PGRMC2: variants seen among roughly 807,000 people sequenced by gnomAD.
PGRMC2 encodes membrane-associated progesterone receptor component 2.
Under a neutral mutation model 19.3 loss-of-function variants are expected in PGRMC2, and 9 were observed. That is an observed-to-expected ratio of 0.47 (90% CI 0.28 to 0.81). The LOEUF (loss-of-function observed/expected upper bound fraction) is 0.81. Among genes scored for constraint, PGRMC2 ranks in the 40% least tolerant of loss-of-function variants. The probability of loss-of-function intolerance (pLI) is 0.11; values close to 1 mark genes in which losing one functional copy is unlikely to be tolerated. For missense variants in PGRMC2, 289 were observed against 297.3 expected (o/e 0.97, Z 0.21); for synonymous variants, 157 against 124.6 (o/e 1.26, Z -1.73).
chr4:128,283,386 T>G (rs1459166328), intron 1 of PGRMC2, among the ~76,000 whole-genome samples: 1 of 152,130 alleles, frequency 6.6e-6, no homozygotes, highest in Non-Finnish European at 1.5e-5. Context: ...CCTCTGACCT[T>G]TAGAATCAGT....
intron 1 of PGRMC2, chr4:128,286,596 GA>G (rs1561619059): frequency 2.5e-6 from 1 of 398,154 alleles, no homozygotes. Flanking sequence ...GAAAAAAAAA[GA>G]AAAAAGAAAC....
intron 1 of PGRMC2, among the ~76,000 whole-genome samples, chr4:128,280,779 G>C (rs2096162312): frequency 6.6e-6 from 1 of 151,960 alleles, no homozygotes; most frequent in African/African-American, 2.4e-5. Context: ...TTATATTTTT[G>C]TAAGAGACAG....
chr4:128,283,122 G>C (rs543999779), intron 1 of PGRMC2, among the ~76,000 whole-genome samples: 2 of 152,324 alleles, frequency 1.3e-5, no homozygotes, highest in East Asian at 3.9e-4. Flanking sequence ...TTTTGGTAAA[G>C]TTCCATTGCA....
intron 1 of PGRMC2, among the ~76,000 whole-genome samples, chr4:128,278,174 T>G (rs981518515): frequency 3.3e-5 from 5 of 152,026 alleles, no homozygotes; most frequent in African/African-American, 1.2e-4. Context: ...AGAATGAAAA[T>G]TCCAAGGTGA....
intron 1 of PGRMC2, among the ~76,000 whole-genome samples, chr4:128,281,329 T>A (rs1446129998): frequency 6.6e-6 from 1 of 152,198 alleles, no homozygotes; most frequent in East Asian, 1.9e-4. Flanking sequence ...CAGTAAAGTA[T>A]CTTAAAGAGG....
intron 1 of PGRMC2, among the ~76,000 whole-genome samples, chr4:128,274,087 A>G (rs1467450603): frequency 1.3e-5 from 2 of 152,194 alleles, no homozygotes; most frequent in Non-Finnish European, 2.9e-5. Context: ...TGTACCTGTA[A>G]TTTATTTAAT....
chr4:128,286,153 C>T (rs929012561), intron 1 of PGRMC2, among the ~76,000 whole-genome samples: 3 of 148,858 alleles, frequency 2.0e-5, no homozygotes, highest in African/African-American at 7.4e-5. Context: ...AACCAGCTTA[C>T]TTCCAGACTG....
rs538091048 is a variant in PGRMC2 at position 128,269,372 on chromosome 4, C to G, written c.*1944G>C. On this transcript the variant is annotated 3_prime_UTR_variant, in exon 3 of 3. Coordinates refer to ENST00000296425, the MANE Select transcript of PGRMC2 (RefSeq NM_006320.6). Reference sequence around the variant, plus strand: ...CTCTATTCACAAGTACAGTTTATTACTAGACTTTAGGCTTGAATGATTCAT... The same window carrying G: ...CTCTATTCACAAGTACAGTTTATTAGTAGACTTTAGGCTTGAATGATTCAT... The G allele has an allele frequency of 1.3e-5, 2 of 152,138 alleles. No homozygotes were observed. Among genetic ancestry groups the G allele is most frequent in the Non-Finnish European group, 2.9e-5 (2 of 68,020 alleles). The allele number at this position is 152,138 out of a possible 1,614,324, so 9.4% of individuals were successfully genotyped here.
chr4:128,281,580 A>G (rs1334330511), intron 1 of PGRMC2, among the ~76,000 whole-genome samples: 1 of 152,226 alleles, frequency 6.6e-6, no homozygotes, highest in Non-Finnish European at 1.5e-5. Context: ...ATAAGATGAT[A>G]GAAATAAACC....
chr4:128,286,928 C>T, intron 1 of PGRMC2: 1 of 390,258 alleles, frequency 2.6e-6, no homozygotes. Flanking sequence ...AATTACAGAG[C>T]CCAAAACTTT....
chr4:128,271,650 C>G (rs1046122726), intron 2 of PGRMC2, among the ~76,000 whole-genome samples: 1 of 152,170 alleles, frequency 6.6e-6, no homozygotes, highest in Non-Finnish European at 1.5e-5. Context: ...AGAGGGTGTT[C>G]TGTACCAGTG....
intron 1 of PGRMC2, among the ~76,000 whole-genome samples, chr4:128,277,962 A>G (rs1760837352): frequency 6.6e-6 from 1 of 152,194 alleles, no homozygotes; most frequent in Non-Finnish European, 1.5e-5. Flanking sequence ...CTTGAATAGT[A>G]TGATTCTATA....
rs781046635 is a variant in PGRMC2, at chr4:128,287,303, G to A, written c.418+70C>T. 4.0e-6 allele frequency: 6 copies of A among 1,512,982 alleles called. No individual in the cohort carries two copies. The East Asian group carries it at 7.1e-5, about 18-fold the overall frequency. The allele number at this position is 1,512,982 out of a possible 1,614,324, so 93.7% of individuals were successfully genotyped here. Reference sequence around the variant, plus strand: ...TGGGCAAACTAACCCGGTGCCCAGAGGCCTCCCTGTCCGAAGGGGGTTGTG... The same window carrying A: ...TGGGCAAACTAACCCGGTGCCCAGAAGCCTCCCTGTCCGAAGGGGGTTGTG... On this transcript the variant is annotated intron_variant, in intron 1 of 2. Transcript: ENST00000296425.
intron 1 of PGRMC2, among the ~76,000 whole-genome samples, chr4:128,281,448 T>C (rs1302846377): frequency 6.6e-6 from 1 of 151,366 alleles, no homozygotes; most frequent in African/African-American, 2.4e-5. Context: ...ACTAAAAGGA[T>C]AGAAATAGAA....
chr4:128,272,763 A>G (rs1760752909), intron 1 of PGRMC2: 3 of 316,234 alleles, frequency 9.5e-6, no homozygotes, highest in Non-Finnish European at 1.7e-5. Flanking sequence ...CTCAATTTCA[A>G]TTACTTCAGA....
intron 1 of PGRMC2, among the ~76,000 whole-genome samples, chr4:128,283,243 G>C (rs1425357274): frequency 6.6e-6 from 1 of 152,198 alleles, no homozygotes; most frequent in Non-Finnish European, 1.5e-5. Flanking sequence ...CAATGGGAAG[G>C]ATTGAAGCTA....
chr4:128,279,398 A>T (rs1217901465), intron 1 of PGRMC2, among the ~76,000 whole-genome samples: 1 of 152,240 alleles, frequency 6.6e-6, no homozygotes, highest in Admixed American at 6.5e-5. Context: ...GAAGCTTAAT[A>T]CCACGTTTTT....
intron 1 of PGRMC2, chr4:128,286,843 G>A (rs967986250): frequency 1.3e-5 from 5 of 384,468 alleles, no homozygotes. Context: ...TGGCCTTACG[G>A]AGTAATACAG....
chr4:128,278,984 G>A (rs966408483), intron 1 of PGRMC2, among the ~76,000 whole-genome samples: 11 of 152,112 alleles, frequency 7.2e-5, no homozygotes, highest in African/African-American at 2.4e-4. Flanking sequence ...TGAGGTGGGC[G>A]GATTGCCCGA....
Sources: allele counts gnomAD v4.1 joint callset (sites outside exome capture counted in the v4.1 genomes callset), GRCh38; gene constraint gnomAD v4.1.1; transcripts MANE v1.5; gene names NCBI Gene and HGNC (gene_info 2026-07-23, HGNC 2026-07-21).